MAST2: variants seen among roughly 807,000 people sequenced by gnomAD.
MAST2 encodes the protein microtubule associated serine/threonine kinase 2.
In MAST2, 70 loss-of-function variants were observed where a neutral mutation model predicts 147.4. The observed-to-expected ratio is 0.47, with a 90% confidence interval of 0.39 to 0.58. MAST2 has a LOEUF of 0.58. Among genes scored for constraint, MAST2 ranks in the 20% least tolerant of loss-of-function variants. The probability of loss-of-function intolerance (pLI) is 0.00; values close to 1 mark genes in which losing one functional copy is unlikely to be tolerated. For synonymous variants in MAST2, 869 were observed against 896.8 expected, an observed-to-expected ratio of 0.97 and a Z score of 0.55; for missense variants, 2,080 against 2,302.3, an observed-to-expected ratio of 0.90 and a Z score of 1.98.
intron 7 of MAST2, among the ~76,000 whole-genome samples, chr1:46,003,113 C>A (rs1223979837): frequency 6.6e-6 from 1 of 152,170 alleles, no homozygotes; most frequent in Non-Finnish European, 1.5e-5. Context: ...GAATCAGTTA[C>A]TTCTAGTGGA....
chr1:45,967,615 A>G (rs543046483), intron 5 of MAST2, among the ~76,000 whole-genome samples: 1 of 152,286 alleles, frequency 6.6e-6, no homozygotes, highest in African/African-American at 2.4e-5. Flanking sequence ...TCATCTTCAC[A>G]TTGAGTAGGC....
Position 46,032,631 on chromosome 1 carries a change from G to T in MAST2, c.3450G>T (p.Gly1150=). 1 of 1,614,224 alleles carries T rather than the reference G, an allele frequency of 6.2e-7. No individual in the cohort carries two copies. Among genetic ancestry groups the T allele is most frequent in the Non-Finnish European group, 8.5e-7 (1 of 1,180,040 alleles). The change falls in exon 26 of 29, where the codon GGG becomes GGT. Residue 1150 remains glycine, a synonymous_variant. Coordinates refer to ENST00000361297, the MANE Select transcript of MAST2 (RefSeq NM_015112.3). ...VEDGGPASEA[G]LRQGDLITHV... The stretch of plus-strand genomic sequence containing the variant: ...ATGGAGGTCCGGCCAGTGAGGCAGG[G>T]CTTCGTCAAGGTGACCTCATCACCC...
At chr1:45,867,749 G>A (rs1646215094) in intron 3 of MAST2, among the ~76,000 whole-genome samples, 1 of 152,180 alleles carries the variant, frequency 6.6e-6, no homozygotes, top group Non-Finnish European at 1.5e-5. Context: ...GGACAGACAA[G>A]TAGGTGTATG....
intron 4 of MAST2, among the ~76,000 whole-genome samples, chr1:45,923,479 A>G (rs1287496032): frequency 6.6e-6 from 1 of 152,196 alleles, no homozygotes; most frequent in African/African-American, 2.4e-5. Context: ...AGCACTTTAA[A>G]ATGTAAAGGT....
intron 12 of MAST2, 71 bp downstream of exon 12, chr1:46,022,153 C>T: frequency 1.9e-6 from 3 of 1,587,476 alleles, no homozygotes; most frequent in Non-Finnish European, 2.6e-6. Context: ...AGGGAAGCTG[C>T]TTGGAAAAGA....
intron 26 of MAST2, among the ~76,000 whole-genome samples, chr1:46,033,116 TAAC>T (rs1646748029): frequency 1.3e-5 from 2 of 151,390 alleles, no homozygotes; most frequent in Non-Finnish European, 2.9e-5. Context: ...CTACTAAAAA[TAAC>T]AAAAATTAGC....
chr1:45,822,992 A>G (rs1237586399), intron 1 of MAST2, among the ~76,000 whole-genome samples: 4 of 152,158 alleles, frequency 2.6e-5, no homozygotes, highest in Admixed American at 6.5e-5. Flanking sequence ...CAGTGCCACA[A>G]TATCCTCCTT....
intron 3 of MAST2, among the ~76,000 whole-genome samples, chr1:45,842,506 CTA>C (rs1227259154): frequency 6.6e-6 from 1 of 152,124 alleles, no homozygotes; most frequent in African/African-American, 2.4e-5. Context: ...CATTTTGTCT[CTA>C]TGGATTTCTC....
At chr1:45,927,395 C>T (rs1654549862) in intron 4 of MAST2, among the ~76,000 whole-genome samples, 1 of 152,178 alleles carries the variant, frequency 6.6e-6, no homozygotes, top group Non-Finnish European at 1.5e-5. Context: ...GTCTATTTCA[C>T]CCCTGCAGCC....
intron 5 of MAST2, among the ~76,000 whole-genome samples, chr1:45,987,810 G>GT (rs1644708139): frequency 2.6e-5 from 1 of 38,306 alleles, no homozygotes; most frequent in East Asian, 7.9e-4. Flanking sequence ...TTGGTTTGGT[G>GT]TTTTTTGTTA....
chr1:46,018,787 G>T (rs926792938), intron 10 of MAST2, among the ~76,000 whole-genome samples: 2 of 152,278 alleles, frequency 1.3e-5, no homozygotes, highest in East Asian at 1.9e-4. Context: ...AACCAGAGCA[G>T]TTCTCAGGAA....
chr1:45,876,577 A>C (rs1463382662), intron 3 of MAST2, among the ~76,000 whole-genome samples: 1 of 152,232 alleles, frequency 6.6e-6, no homozygotes, highest in Non-Finnish European at 1.5e-5. Context: ...TTATCTGTCT[A>C]AATGGGAGTA....
At chr1:45,958,322 C>T (rs1416416221) in intron 4 of MAST2, among the ~76,000 whole-genome samples, 1 of 152,134 alleles carries the variant, frequency 6.6e-6, no homozygotes, top group African/African-American at 2.4e-5. Context: ...CTCTTGACTT[C>T]TTTGCTATTT....
At position 46,035,493 on chromosome 1, in the gene MAST2, A is replaced by T; in HGVS notation, c.4824A>T (p.Thr1608=). The change falls in exon 29 of 29, where the codon ACA becomes ACT. Residue 1608 remains threonine (T), a synonymous_variant. Transcript: ENST00000361297. This position sits in a 1 kb window ranked among gnomAD's most constrained non-coding sequence, Gnocchi z 5.5. ...CCAACCTAGGTCAGTCTGGAGCCACAGACCCCATCCCTCCTGAAGGTTGCT... is the reference window on the plus strand; with the variant it reads ...CCAACCTAGGTCAGTCTGGAGCCACTGACCCCATCCCTCCTGAAGGTTGCT... ...AGPNLGQSGA[T]DPIPPEGCWK... 6.2e-7 allele frequency: 1 copy of T among 1,613,288 alleles called. No individual in the cohort carries two copies. The highest frequency in any genetic ancestry group is 1.3e-5 in the African/African-American group (1 of 74,998).
intron 5 of MAST2, among the ~76,000 whole-genome samples, chr1:45,982,965 A>C (rs935210789): frequency 3.9e-5 from 6 of 152,226 alleles, no homozygotes; most frequent in African/African-American, 1.4e-4. Context: ...GGCCAGTTGG[A>C]AAGAATGCTT....
At chr1:45,823,195 AT>A (rs945858751) in intron 1 of MAST2, among the ~76,000 whole-genome samples, 46 of 147,408 alleles carry the variant, frequency 3.1e-4, no homozygotes, top group East Asian at 4.0e-4. Context: ...ACTGTATAGA[AT>A]TTTTTTCTTT....
intron 3 of MAST2, among the ~76,000 whole-genome samples, chr1:45,845,170 A>G (rs1397653710): frequency 2.0e-5 from 3 of 152,172 alleles, no homozygotes; most frequent in Admixed American, 6.5e-5. Context: ...GAATTTGTTG[A>G]TGGTTAGAAT....
intron 4 of MAST2, among the ~76,000 whole-genome samples, chr1:45,954,744 T>C (rs78918308): frequency 0.018 from 2,815 of 152,278 alleles, 33 homozygotes; most frequent in Non-Finnish European, 0.027. Flanking sequence ...GTGTCTGACC[T>C]TTTTTTCCCC....
chr1:45,975,095 G>A (rs1481167931), intron 5 of MAST2, among the ~76,000 whole-genome samples: 1 of 152,126 alleles, frequency 6.6e-6, no homozygotes, highest in African/African-American at 2.4e-5. Flanking sequence ...GGTACAAAGG[G>A]CATGTGAAAT....
Sources: allele counts gnomAD v4.1 joint callset (sites outside exome capture counted in the v4.1 genomes callset), GRCh38; gene constraint gnomAD v4.1.1; non-coding constraint Gnocchi (gnomAD v3.1); transcripts MANE v1.5; gene names NCBI Gene and HGNC (gene_info 2026-07-23, HGNC 2026-07-21).